KCTD8: variants seen among roughly 807,000 people sequenced by gnomAD.
The protein encoded by KCTD8 is potassium channel tetramerization domain containing 8.
KCTD8 carries 27 observed loss-of-function variants against 31.5 expected under a neutral mutation model. The observed-to-expected ratio is 0.86, with a 90% CI of 0.63 to 1.18. The LOEUF (loss-of-function observed/expected upper bound fraction) is 1.18, where lower values mean the gene tolerates loss of function less well. Among genes scored for constraint, KCTD8 ranks in the 50% most tolerant of loss-of-function variants. KCTD8 has a pLI of 0.00. For missense variants in KCTD8, 658 were observed against 647.7 expected, an observed-to-expected ratio of 1.02 and a Z score of -0.17; for synonymous variants, 290 against 280.0, an observed-to-expected ratio of 1.04 and a Z score of -0.36.
At chr4:44,292,091 A>C (rs1717298249) in intron 1 of KCTD8, among the ~76,000 whole-genome samples, 1 of 152,120 alleles carries the variant, frequency 6.6e-6, no homozygotes, top group South Asian at 2.1e-4. Flanking sequence ...AAGAACGTGA[A>C]GTCCCATTCA....
chr4:44,212,721 T>C (rs563615503), intron 1 of KCTD8, among the ~76,000 whole-genome samples: 3 of 152,334 alleles, frequency 2.0e-5, no homozygotes, highest in South Asian at 4.1e-4. Context: ...TTATGTTTCC[T>C]TATGTTTTAG....
chr4:44,404,275 G>T (rs1720734184), intron 1 of KCTD8, among the ~76,000 whole-genome samples: 1 of 152,134 alleles, frequency 6.6e-6, no homozygotes, highest in Non-Finnish European at 1.5e-5. Context: ...TGTTGTTGTT[G>T]TTTCTGACAT....
chr4:44,195,517 A>G (rs1479371585), intron 1 of KCTD8, among the ~76,000 whole-genome samples: 1 of 152,186 alleles, frequency 6.6e-6, no homozygotes, highest in Admixed American at 6.5e-5. Context: ...GATTTTGTAG[A>G]TCAAAGAGCA....
intron 1 of KCTD8, among the ~76,000 whole-genome samples, chr4:44,404,928 T>C (rs1266215958): frequency 6.6e-6 from 1 of 152,198 alleles, no homozygotes; most frequent in African/African-American, 2.4e-5. Context: ...ACAGTTCACC[T>C]TCATTAGCAA....
chr4:44,414,587 A>G (rs1249333295), intron 1 of KCTD8, among the ~76,000 whole-genome samples: 1 of 152,214 alleles, frequency 6.6e-6, no homozygotes. Flanking sequence ...TGTCATGGCC[A>G]GTCTTCCTGC....
intron 1 of KCTD8, among the ~76,000 whole-genome samples, chr4:44,206,657 G>T (rs1048968039): frequency 7.9e-5 from 12 of 152,110 alleles, no homozygotes; most frequent in Admixed American, 7.9e-4. Flanking sequence ...ATTCCTATGA[G>T]TCTCTGCATA....
chr4:44,435,633 T>C (rs1721624607), intron 1 of KCTD8, among the ~76,000 whole-genome samples: 1 of 152,100 alleles, frequency 6.6e-6, no homozygotes, highest in East Asian at 1.9e-4. Context: ...AGGGGAGTTA[T>C]GCAACGATGT....
At chr4:44,345,371 T>G (rs1167825702) in intron 1 of KCTD8, among the ~76,000 whole-genome samples, 2 of 152,070 alleles carry the variant, frequency 1.3e-5, no homozygotes, top group Admixed American at 1.3e-4. Context: ...TGGAATAAAC[T>G]GCCCCCAAAA....
At chr4:44,418,481 G>A (rs1204217078) in intron 1 of KCTD8, among the ~76,000 whole-genome samples, 1 of 151,968 alleles carries the variant, frequency 6.6e-6, no homozygotes, top group Non-Finnish European at 1.5e-5. Context: ...CTTTTGTTTT[G>A]TATGCCTATA....
chr4:44,288,000 A>T (rs529120902), intron 1 of KCTD8, among the ~76,000 whole-genome samples: 2 of 152,316 alleles, frequency 1.3e-5, no homozygotes, highest in East Asian at 3.9e-4. Flanking sequence ...ACCAGATTAA[A>T]CAGAATAAGG....
chr4:44,325,416 G>A (rs1347199666), intron 1 of KCTD8, among the ~76,000 whole-genome samples: 4 of 151,850 alleles, frequency 2.6e-5, no homozygotes, highest in Admixed American at 2.6e-4. Flanking sequence ...TATGAAGACA[G>A]AGCCTATTTT....
intron 1 of KCTD8, among the ~76,000 whole-genome samples, chr4:44,262,028 G>A (rs1219740619): frequency 6.6e-6 from 1 of 152,066 alleles, no homozygotes; most frequent in African/African-American, 2.4e-5. Flanking sequence ...CAATAATGGA[G>A]ACTGAGCTGA....
intron 1 of KCTD8, among the ~76,000 whole-genome samples, chr4:44,361,512 G>T (rs1719496349): frequency 6.6e-6 from 1 of 151,984 alleles, no homozygotes; most frequent in African/African-American, 2.4e-5. Context: ...GACTAGATTT[G>T]TCAATCTCTT....
intron 1 of KCTD8, among the ~76,000 whole-genome samples, chr4:44,438,459 C>T (rs950272311): frequency 6.6e-6 from 1 of 152,038 alleles, no homozygotes; most frequent in Non-Finnish European, 1.5e-5. Context: ...AGTGCCTTGC[C>T]CCAGAGTTTG....
At chr4:44,204,694 T>C (rs1452562993) in intron 1 of KCTD8, among the ~76,000 whole-genome samples, 1 of 152,178 alleles carries the variant, frequency 6.6e-6, no homozygotes. Flanking sequence ...TGGCTCGTCC[T>C]GCTACACATT....
chr4:44,235,478 C>G (rs1364244999), intron 1 of KCTD8, among the ~76,000 whole-genome samples: 3 of 133,064 alleles, frequency 2.3e-5, no homozygotes, highest in Non-Finnish European at 4.8e-5. Flanking sequence ...AAGAGAGAGA[C>G]TGGATGACTG....
At chr4:44,276,169 C>CT (rs888933733) in intron 1 of KCTD8, among the ~76,000 whole-genome samples, 8 of 151,896 alleles carry the variant, frequency 5.3e-5, no homozygotes, top group Non-Finnish European at 1.0e-4. Context: ...AAAAGTTGGT[C>CT]TTTTTATTAA....
chr4:44,389,867 T>A (rs1168313300), intron 1 of KCTD8, among the ~76,000 whole-genome samples: 1 of 152,024 alleles, frequency 6.6e-6, no homozygotes, highest in Non-Finnish European at 1.5e-5. Context: ...TGGTTTTGAT[T>A]TGCATTTCCC....
intron 1 of KCTD8, among the ~76,000 whole-genome samples, chr4:44,355,587 T>G (rs1019922327): frequency 6.6e-6 from 1 of 152,180 alleles, no homozygotes; most frequent in Non-Finnish European, 1.5e-5. Context: ...CCTACATGAA[T>G]TTTGTAATAT....
Sources: gnomAD v4.1 joint callset for allele counts (sites outside exome capture counted in the v4.1 genomes callset) on GRCh38, gnomAD v4.1.1 for gene constraint, MANE v1.5 for transcripts, NCBI Gene and HGNC (gene_info 2026-07-23, HGNC 2026-07-21) for gene names.